The following ARID1B variants were observed in gnomAD, a reference collection of about 807,000 sequenced individuals.
The protein encoded by ARID1B is AT-rich interaction domain 1B.
A neutral mutation model predicts 212.3 loss-of-function variants in ARID1B; 30 were observed. The observed-to-expected ratio is 0.14, with a 90% CI of 0.11 to 0.19. The LOEUF (loss-of-function observed/expected upper bound fraction) is 0.19. Among genes scored for constraint, ARID1B ranks in the 10% least tolerant of loss-of-function variants. The probability of loss-of-function intolerance (pLI) is 1.00; values close to 1 mark genes in which losing one functional copy is unlikely to be tolerated. For missense variants in ARID1B, 2,891 were observed against 3,204.0 expected (o/e 0.90, Z 2.36); for synonymous variants, 1,402 against 1,301.7 (o/e 1.08, Z -1.66).
chr6:157,140,449 G>A (rs1789266038), intron 7 of ARID1B, among the ~76,000 whole-genome samples: 1 of 152,180 alleles, frequency 6.6e-6, no homozygotes, highest in East Asian at 1.9e-4. Flanking sequence ...CAGCCTGGGC[G>A]ACAGAGTGAG....
chr6:157,189,115 A>G (rs1793179070), intron 13 of ARID1B, among the ~76,000 whole-genome samples: 1 of 152,256 alleles, frequency 6.6e-6, no homozygotes, highest in African/African-American at 2.4e-5. Context: ...CATAAGGCTC[A>G]TTGTTAATTT....
intron 15 of ARID1B, among the ~76,000 whole-genome samples, chr6:157,193,261 A>G (rs1448545615): frequency 3.9e-5 from 6 of 152,244 alleles, no homozygotes. Flanking sequence ...TCTATTATAA[A>G]CAATGAAGCA....
At chr6:156,994,649 A>G (rs556398497) in intron 4 of ARID1B, among the ~76,000 whole-genome samples, 13 of 152,278 alleles carry the variant, frequency 8.5e-5, no homozygotes, top group African/African-American at 2.4e-4. Flanking sequence ...ATTATGGGCA[A>G]CCTGATCTGG....
intron 9 of ARID1B, among the ~76,000 whole-genome samples, chr6:157,170,551 C>G (rs939671037): frequency 5.9e-5 from 9 of 152,132 alleles, no homozygotes; most frequent in Admixed American, 1.3e-4. Context: ...TTATGAAAAC[C>G]AAATCTCTTA....
chr6:156,938,801 C>G (rs1160985559), intron 4 of ARID1B: 2 of 152,194 alleles, frequency 1.3e-5, no homozygotes, highest in African/African-American at 4.8e-5. Flanking sequence ...TTTGATCCCT[C>G]AGCAAGTTGT....
intron 3 of ARID1B, among the ~76,000 whole-genome samples, chr6:156,916,429 C>T (rs1474007372): frequency 6.6e-6 from 1 of 152,102 alleles, no homozygotes; most frequent in Non-Finnish European, 1.5e-5. Flanking sequence ...CTCGTCATTT[C>T]CTTCTTTTAA....
intron 5 of ARID1B, among the ~76,000 whole-genome samples, chr6:157,096,829 C>T (rs118157241): frequency 0.013 from 1,949 of 152,298 alleles, 17 homozygotes; most frequent in Middle Eastern, 0.024. Context: ...TTGATTAATC[C>T]GGGTTTCATT....
chr6:156,818,124 TAGAATATAAGATTTGACCATATATTAG>T (rs1231209373), intron 1 of ARID1B, among the ~76,000 whole-genome samples: 14 of 133,380 alleles, frequency 1.0e-4, no homozygotes, highest in Non-Finnish European at 1.8e-4. Flanking sequence ...TTTTTTTTTT[TAGAATATAAGATTTGACCATATATTAG>T]TCATGTTAAC....
At chr6:157,010,297 T>G (rs1312959508) in intron 4 of ARID1B, among the ~76,000 whole-genome samples, 8 of 146,796 alleles carry the variant, frequency 5.4e-5, no homozygotes, top group Non-Finnish European at 1.1e-4. Flanking sequence ...TTTTTTTTTT[T>G]TTTTTTTGTT....
At chr6:157,199,801 C>T (rs970893773) in intron 17 of ARID1B, among the ~76,000 whole-genome samples, 3 of 151,534 alleles carry the variant, frequency 2.0e-5, no homozygotes, top group African/African-American at 7.3e-5. Context: ...GCAGCTGGGA[C>T]TACAGGCACC....
intron 1 of ARID1B, among the ~76,000 whole-genome samples, chr6:156,806,064 T>A (rs1392212044): frequency 6.6e-6 from 1 of 152,198 alleles, no homozygotes; most frequent in Non-Finnish European, 1.5e-5. Context: ...TGGCCACTTT[T>A]TCTGTGTCAC....
chr6:157,139,701 TAG>T (rs2128605481), intron 7 of ARID1B, among the ~76,000 whole-genome samples: 1 of 151,436 alleles, frequency 6.6e-6, no homozygotes, highest in Non-Finnish European at 1.5e-5. Context: ...AAACTATATA[TAG>T]AGAGAGCTAT....
At chr6:157,168,175 C>T (rs912988288) in intron 9 of ARID1B, 2 of 152,266 alleles carry the variant, frequency 1.3e-5, no homozygotes, top group Admixed American at 1.3e-4. Flanking sequence ...TCCGGCGGAA[C>T]AGCCAGTGAG....
At chr6:156,871,786 A>G in intron 2 of ARID1B, 1 of 1,052,676 alleles carries the variant, frequency 9.5e-7, no homozygotes, top group East Asian at 2.6e-5. Flanking sequence ...CTGAGGGCCC[A>G]TCCCTGTGCA....
At chr6:156,951,415 T>C (rs566685331) in intron 4 of ARID1B, among the ~76,000 whole-genome samples, 3 of 152,346 alleles carry the variant, frequency 2.0e-5, no homozygotes, top group African/African-American at 7.2e-5. Flanking sequence ...TACCTAATTA[T>C]TAAAGTAAAA....
intron 6 of ARID1B, among the ~76,000 whole-genome samples, chr6:157,120,417 G>C (rs145867868): frequency 7.5e-4 from 114 of 152,156 alleles, no homozygotes; most frequent in African/African-American, 2.7e-3. Flanking sequence ...GAGTCGTTTT[G>C]CCAGTTAACC....
chr6:156,856,670 A>C (rs1035637593), intron 2 of ARID1B, among the ~76,000 whole-genome samples: 2 of 109,914 alleles, frequency 1.8e-5, no homozygotes, highest in South Asian at 2.9e-4. Flanking sequence ...GGGCATGCAT[A>C]TCCTCTCTCT....
At chr6:157,048,690 A>G (rs1473835199) in intron 4 of ARID1B, among the ~76,000 whole-genome samples, 1 of 152,230 alleles carries the variant, frequency 6.6e-6, no homozygotes, top group East Asian at 1.9e-4. Flanking sequence ...TAAATATCAT[A>G]TCTTGTTTGC....
rs201485064 is a variant in ARID1B at position 156,967,036 on chromosome 6, TC to T, written c.2247+31461del. ...TTAATAGGCTCTTTTTCTGGCTTTT[TC>T]TTTTAGTAACTCAGCCCATTTTCTT... On this transcript the variant is annotated intron_variant, in intron 4 of 19. Transcript: ENST00000636930. Among the ~76,000 whole-genome samples, 28 of 152,178 alleles carry T rather than the reference TC, an allele frequency of 1.8e-4. No individual in the cohort carries two copies. The East Asian group carries it at 3.3e-3, about 18-fold the overall frequency.
Sources: allele counts gnomAD v4.1 joint callset (sites outside exome capture counted in the v4.1 genomes callset), GRCh38; gene constraint gnomAD v4.1.1; transcripts MANE v1.5; gene names NCBI Gene and HGNC (gene_info 2026-07-23, HGNC 2026-07-21).